COMMD10: variants seen among roughly 807,000 people sequenced by gnomAD.
COMMD10 encodes COMM domain containing 10, also known as COMM domain-containing protein 10.
COMMD10 carries 33 observed loss-of-function variants against 28.9 expected under a neutral mutation model. That is an observed-to-expected ratio of 1.14 (90% confidence interval 0.87 to 1.53). The LOEUF (loss-of-function observed/expected upper bound fraction) is 1.53. Among genes scored for constraint, COMMD10 ranks in the 40% most tolerant of loss-of-function variants. The pLI, the probability that COMMD10 is intolerant of heterozygous loss-of-function variation, is 0.00. For missense variants in COMMD10, 310 were observed against 233.4 expected (o/e 1.33, Z -2.14); for synonymous variants, 110 against 81.7 (o/e 1.35, Z -1.87).
intron 4 of COMMD10, among the ~76,000 whole-genome samples, chr5:116,099,805 C>T (rs183899669): frequency 2.4e-3 from 363 of 152,024 alleles, no homozygotes; most frequent in Non-Finnish European, 4.2e-3. Flanking sequence ...TATTAGTTTT[C>T]CTGCTATTGA....
chr5:116,148,122 A>T (rs898367661), intron 5 of COMMD10, among the ~76,000 whole-genome samples: 2 of 151,846 alleles, frequency 1.3e-5, no homozygotes, highest in Non-Finnish European at 2.9e-5. Context: ...ATATACTAAC[A>T]TGTTGACTAA....
At chr5:116,215,745 A>G (rs1749082932) in intron 5 of COMMD10, among the ~76,000 whole-genome samples, 1 of 146,814 alleles carries the variant, frequency 6.8e-6, no homozygotes, top group Admixed American at 6.8e-5. Flanking sequence ...TATATAATTC[A>G]TATAAATATA....
intron 5 of COMMD10, among the ~76,000 whole-genome samples, chr5:116,190,799 T>C (rs1021265980): frequency 3.3e-5 from 5 of 152,232 alleles, no homozygotes; most frequent in Non-Finnish European, 7.3e-5. Context: ...CCTTAAGTTC[T>C]ATAAAACTTT....
intron 5 of COMMD10, among the ~76,000 whole-genome samples, chr5:116,152,382 A>G (rs919854351): frequency 3.3e-5 from 5 of 152,066 alleles, no homozygotes; most frequent in African/African-American, 1.2e-4. Context: ...TTCAGAGAGT[A>G]TGAGCTGTGA....
At chr5:116,181,757 A>T (rs1747975020) in intron 5 of COMMD10, among the ~76,000 whole-genome samples, 1 of 152,112 alleles carries the variant, frequency 6.6e-6, no homozygotes, top group Admixed American at 6.6e-5. Flanking sequence ...TAAGAAAGTT[A>T]TCTTTAACTT....
At chr5:116,273,509 T>C (rs544930408) in intron 5 of COMMD10, among the ~76,000 whole-genome samples, 4 of 151,970 alleles carry the variant, frequency 2.6e-5, no homozygotes, top group East Asian at 3.9e-4. Context: ...TTGAGAACTT[T>C]TAAACAGGAT....
intron 5 of COMMD10, among the ~76,000 whole-genome samples, chr5:116,274,166 ATACTTC>A (rs1750841236): frequency 6.6e-6 from 1 of 151,834 alleles, no homozygotes; most frequent in Non-Finnish European, 1.5e-5. Flanking sequence ...CAGCAGATTT[ATACTTC>A]TACTTATATA....
chr5:116,222,446 A>G (rs1479504152), intron 5 of COMMD10, among the ~76,000 whole-genome samples: 1 of 152,196 alleles, frequency 6.6e-6, no homozygotes, highest in East Asian at 1.9e-4. Flanking sequence ...CTTATATTCA[A>G]ATTATATTAA....
At chr5:116,194,292 C>G (rs921767958) in intron 5 of COMMD10, among the ~76,000 whole-genome samples, 6 of 151,824 alleles carry the variant, frequency 4.0e-5, no homozygotes, top group Non-Finnish European at 7.4e-5. Context: ...CAAACCCAAA[C>G]CCAGCAAAAG....
intron 5 of COMMD10, among the ~76,000 whole-genome samples, chr5:116,243,478 A>G (rs1045834246): frequency 6.6e-6 from 1 of 152,156 alleles, no homozygotes; most frequent in African/African-American, 2.4e-5. Flanking sequence ...AAACATACAA[A>G]TTCCTATTTG....
At chr5:116,184,509 G>A (rs964784453) in intron 5 of COMMD10, among the ~76,000 whole-genome samples, 1 of 151,728 alleles carries the variant, frequency 6.6e-6, no homozygotes, top group Non-Finnish European at 1.5e-5. Context: ...CGCCTTTCTG[G>A]GTTGATAATA....
chr5:116,162,994 C>T (rs943742824), intron 5 of COMMD10, among the ~76,000 whole-genome samples: 1 of 152,026 alleles, frequency 6.6e-6, no homozygotes, highest in African/African-American at 2.4e-5. Context: ...TGCTTATACT[C>T]CTCTCTCAGT....
intron 4 of COMMD10, among the ~76,000 whole-genome samples, chr5:116,106,681 A>G (rs1000519415): frequency 6.6e-6 from 1 of 152,190 alleles, no homozygotes; most frequent in African/African-American, 2.4e-5. Flanking sequence ...TATTGGGTGC[A>G]TATATACTTA....
At chr5:116,103,595 T>C (rs1237543649) in intron 4 of COMMD10, among the ~76,000 whole-genome samples, 1 of 152,220 alleles carries the variant, frequency 6.6e-6, no homozygotes, top group African/African-American at 2.4e-5. Flanking sequence ...AAAAATTTTC[T>C]CCCATTCTGT....
chr5:116,292,202 A>C (rs1751382516), intron 6 of COMMD10, among the ~76,000 whole-genome samples: 2 of 152,132 alleles, frequency 1.3e-5, no homozygotes, highest in African/African-American at 4.8e-5. Context: ...AAGACACTTA[A>C]AACAACAGTA....
chr5:116,162,190 T>C (rs962426913), intron 5 of COMMD10, among the ~76,000 whole-genome samples: 5 of 152,208 alleles, frequency 3.3e-5, no homozygotes, highest in African/African-American at 1.2e-4. Flanking sequence ...CAATAATTTA[T>C]AGATAGCTTT....
intron 5 of COMMD10, among the ~76,000 whole-genome samples, chr5:116,136,356 A>G (rs1048646291): frequency 7.2e-5 from 11 of 152,194 alleles, no homozygotes; most frequent in Non-Finnish European, 1.5e-4. Flanking sequence ...GAAAATACAT[A>G]CATACATGCA....
chr5:116,085,169 C>A, intron 1 of COMMD10, 76 bp downstream of exon 1: 2 of 1,193,598 alleles, frequency 1.7e-6, no homozygotes, highest in East Asian at 6.1e-5. Flanking sequence ...GCTGTCCTTG[C>A]TGCCTGCCGC....
intron 5 of COMMD10, among the ~76,000 whole-genome samples, chr5:116,193,128 C>G (rs987501674): frequency 6.6e-6 from 1 of 152,164 alleles, no homozygotes; most frequent in Admixed American, 6.5e-5. Context: ...TTCACCATTA[C>G]CAAGCCACCA....
Sources: gnomAD v4.1 joint callset for allele counts (sites outside exome capture counted in the v4.1 genomes callset) on GRCh38, gnomAD v4.1.1 for gene constraint, MANE v1.5 for transcripts, NCBI Gene and HGNC (gene_info 2026-07-23, HGNC 2026-07-21) for gene names.